The following HTRA4 variants were observed in gnomAD, a reference collection of about 807,000 sequenced individuals.
HTRA4 encodes the protein HtrA serine peptidase 4.
Under a neutral mutation model 49.1 loss-of-function variants are expected in HTRA4, and 46 were observed. That is an observed-to-expected ratio of 0.94 (90% CI 0.74 to 1.20). The LOEUF (loss-of-function observed/expected upper bound fraction) is 1.20. Ranked by LOEUF, HTRA4 falls within the 50% of genes most tolerant of loss-of-function variation. HTRA4 has a pLI of 0.00. For missense variants in HTRA4, 602 were observed against 636.9 expected (o/e 0.95, Z 0.59); for synonymous variants, 261 against 264.0 (o/e 0.99, Z 0.11).
chr8:38,981,699 T>C lies in HTRA4; in HGVS notation c.1046T>C (p.Ile349Thr). ...AATTCATTGAGGGTGACTGATGGAA[T>C]CTCCTTTGCAATTCCTTCAGATCGA... ...GVNSLRVTDGISFAIPSDRVR... is the reference protein window; with the variant it reads ...GVNSLRVTDGTSFAIPSDRVR... Residue 349 changes from isoleucine to threonine, a missense_variant, in exon 6 of 9, where the codon ATC (isoleucine) becomes ACC (threonine). By Grantham distance (89) the Ile-to-Thr change is moderately conservative. Coordinates refer to ENST00000302495, the MANE Select transcript of HTRA4 (RefSeq NM_153692.4). 1 of 1,613,708 alleles carries C rather than the reference T, an allele frequency of 6.2e-7. No individual in the cohort carries two copies. Among genetic ancestry groups the C allele is most frequent in the Non-Finnish European group, 8.5e-7 (1 of 1,179,978 alleles).
Position 38,976,668 on chromosome 8 carries a change from G to A in HTRA4, c.700G>A (p.Ala234Thr), listed in dbSNP as rs138567982. ...GATTGAGGTGGTGCTCCAGAATGGG[G>A]CCCGTTATGAAGCTGTTGTCAAGGA... ...QWIEVVLQNG[A>T]RYEAVVKDID... Residue 234 changes from alanine (A) to threonine (T), a missense_variant, in exon 3 of 9, where the codon GCC (alanine) becomes ACC (threonine). Coordinates refer to ENST00000302495, the MANE Select transcript of HTRA4 (RefSeq NM_153692.4). 9.9e-6 allele frequency: 16 copies of A among 1,614,096 alleles called. No homozygotes were observed. In the African/African-American group the frequency reaches 2.1e-4, roughly 22 times the overall value.
chr8:38,978,299 C>A (rs1835378166), intron 4 of HTRA4, 152 bp downstream of exon 4: 1 of 646,740 alleles, frequency 1.5e-6, no homozygotes, highest in Non-Finnish European at 2.6e-6. Flanking sequence ...TCAGTGGCGG[C>A]ATTAAATTCT....
intron 7 of HTRA4, 126 bp from the exon 8 acceptor site, chr8:38,982,827 G>C: frequency 1.5e-6 from 1 of 678,710 alleles, no homozygotes. Context: ...ACTGTGATTA[G>C]CTTGATGGAA....
At chr8:38,978,619 T>G (rs1162367842) in intron 4 of HTRA4, among the ~76,000 whole-genome samples, 2 of 152,130 alleles carry the variant, frequency 1.3e-5, no homozygotes, top group Non-Finnish European at 2.9e-5. Flanking sequence ...TGCCACTTTG[T>G]TAGAGTCTGT....
chr8:38,975,879 A>G (rs1835345027), intron 2 of HTRA4, among the ~76,000 whole-genome samples: 1 of 152,188 alleles, frequency 6.6e-6, no homozygotes, highest in Admixed American at 6.5e-5. Flanking sequence ...GGTCCTTGAT[A>G]CTGTGGTAAG....
intron 8 of HTRA4, 26 bp downstream of exon 8, chr8:38,983,074 T>C (rs771126408): frequency 6.8e-7 from 1 of 1,477,116 alleles, no homozygotes; most frequent in Admixed American, 1.7e-5. Flanking sequence ...GCCTTTGTCA[T>C]CTACCTTTGC....
chr8:38,977,846 G>A lies in HTRA4; in HGVS notation c.772-107G>A, dbSNP rs565085092. 4 of 1,158,286 alleles carry A rather than the reference G, an allele frequency of 3.5e-6. No individual in the cohort carries two copies. In the African/African-American group the frequency reaches 6.2e-5, roughly 18 times the overall value. 71.8% of individuals were successfully genotyped at this position (1,158,286 alleles called of 1,614,324 possible). ...CTTCTCAGGTGGTAAGGGCCAAGGT[G>A]ATAGAGACAGCGTCATATATGTGTT... On this transcript the variant is annotated intron_variant, in intron 3 of 8. Coordinates refer to ENST00000302495, the MANE Select transcript of HTRA4 (RefSeq NM_153692.4).
At position 38,988,228 on chromosome 8, in the gene HTRA4, A is replaced by G; in HGVS notation, c.*130A>G. The stretch of plus-strand genomic sequence containing the variant: ...TTCTTACAAAGAAAAATGGATGGTT[A>G]TCAACCCAAATGCCCATCAATGACA... On this transcript the variant is annotated 3_prime_UTR_variant, in exon 9 of 9. Coordinates refer to ENST00000302495, the MANE Select transcript of HTRA4 (RefSeq NM_153692.4). The G allele has an allele frequency of 1.3e-6, 1 of 751,744 alleles. No homozygotes were observed. Among genetic ancestry groups the G allele is most frequent in the Non-Finnish European group, 2.1e-6 (1 of 482,518 alleles). 46.6% of individuals were successfully genotyped at this position (751,744 alleles called of 1,614,324 possible). A position where few individuals can be genotyped will look rare whatever the true frequency, so the allele number is the denominator to read the frequency against.
At chr8:38,984,132 C>A (rs1046868759) in intron 8 of HTRA4, among the ~76,000 whole-genome samples, 2 of 151,900 alleles carry the variant, frequency 1.3e-5, no homozygotes, top group Admixed American at 1.3e-4. Flanking sequence ...TCCCGAGTAG[C>A]TGGGATTACA....
chr8:38,978,988 C>T (rs1330424804), intron 4 of HTRA4, among the ~76,000 whole-genome samples: 3 of 86,708 alleles, frequency 3.5e-5, no homozygotes, highest in African/African-American at 5.0e-5. Context: ...AGTAAGACTC[C>T]GTCTCAAAAA....
At position 38,982,517 on chromosome 8, in the gene HTRA4, G is replaced by A. The variant is rs778564119; in HGVS notation, c.1134G>A (p.Lys378=). Residue 378 remains lysine, a synonymous_variant, in exon 7 of 9, where the codon AAG becomes AAA. Coordinates refer to ENST00000302495, the MANE Select transcript of HTRA4 (RefSeq NM_153692.4). ...TTCCAGGAAAGGCGTTTTCAAATAA[G>A]AAATATCTGGGTCTGCAAATGCTGT... ...HQMKGKAFSN[K]KYLGLQMLSL... The A allele has an allele frequency of 1.2e-6, 2 of 1,614,134 alleles. No homozygotes were observed. Among genetic ancestry groups the A allele is most frequent in the African/African-American group, 2.7e-5 (2 of 75,038 alleles).
At chr8:38,977,266 CTT>C (rs34914364) in intron 3 of HTRA4, among the ~76,000 whole-genome samples, 1 of 141,372 alleles carries the variant, frequency 7.1e-6, no homozygotes, top group South Asian at 2.2e-4. Flanking sequence ...ATCAAGCAGT[CTT>C]TTTTTTTTTT....
intron 4 of HTRA4, among the ~76,000 whole-genome samples, 173 bp downstream of exon 4, chr8:38,978,320 C>A (rs548597310): frequency 6.6e-6 from 1 of 152,310 alleles, no homozygotes; most frequent in South Asian, 2.1e-4. Context: ...CATAGGAGTG[C>A]AAACCCTATT....
chr8:38,979,220 G>A lies in HTRA4; in HGVS notation c.972G>A (p.Gly324=), dbSNP rs1291832877. The stretch of plus-strand genomic sequence containing the variant: ...TTTTCAAATTCTGCTTTTAGTATGG[G>A]AATTCTGGTGGTCCTCTGGTGAACT... ...YVQIDATINY[G]NSGGPLVNLD... Residue 324 remains glycine (G), a synonymous_variant, in exon 5 of 9, where the codon GGG becomes GGA. Transcript: ENST00000302495. 1 of 1,612,970 alleles carries A rather than the reference G, an allele frequency of 6.2e-7. No homozygotes were observed. Among genetic ancestry groups the A allele is most frequent in the Non-Finnish European group, 8.5e-7 (1 of 1,178,982 alleles).
intron 5 of HTRA4, among the ~76,000 whole-genome samples, chr8:38,979,915 A>C (rs752611771): frequency 6.6e-6 from 1 of 152,212 alleles, no homozygotes; most frequent in Non-Finnish European, 1.5e-5. Context: ...ATGAAGAACT[A>C]TCTCTCATTT....
rs372328561 is a variant in HTRA4 at position 38,974,315 on chromosome 8, G to A, written c.52G>A (p.Gly18Arg). The stretch of plus-strand genomic sequence containing the variant: ...GGGGCTGGGACGATGCCTCCTGCCG[G>A]GGCTGCTGCTGCTCCTGGTGCCCGT... ...TAGLGRCLLP[G>R]LLLLLVPVLW... Residue 18 changes from glycine to arginine, a missense_variant, in exon 1 of 9, where the codon GGG becomes AGG. Transcript: ENST00000302495. 230 of 1,612,770 alleles carry A rather than the reference G, an allele frequency of 1.4e-4. No individual in the cohort carries two copies. Among genetic ancestry groups the A allele is most frequent in the Non-Finnish European group, 1.8e-4 (214 of 1,179,758 alleles).
chr8:38,981,359 G>A (rs1184142296), intron 5 of HTRA4, among the ~76,000 whole-genome samples: 5 of 151,974 alleles, frequency 3.3e-5, no homozygotes, highest in African/African-American at 1.2e-4. Flanking sequence ...GATTACAGGC[G>A]TGAGCCACTC....
At chr8:38,978,261 G>A (rs1490075379) in intron 4 of HTRA4, 114 bp downstream of exon 4, 4 of 848,544 alleles carry the variant, frequency 4.7e-6, no homozygotes, top group Non-Finnish European at 7.1e-6. Context: ...GAGTGAGAAT[G>A]ACTGCCCGAG....
chr8:38,974,664 G>C lies in HTRA4; in HGVS notation c.401G>C (p.Arg134Pro). ...ATGTGCGCGCTCCGGGCCGAAAACC[G>C]CGCCGCGCGCCGCCTGGGCAAGGTC... ...PSMCALRAEN[R>P]AARRLGKVPA... Residue 134 changes from arginine to proline, a missense_variant, in exon 1 of 9, where the codon CGC becomes CCC. By Grantham distance (103) the Arg-to-Pro change is moderately radical. Coordinates refer to ENST00000302495, the MANE Select transcript of HTRA4 (RefSeq NM_153692.4). The C allele has an allele frequency of 1.4e-6, 2 of 1,399,180 alleles. No homozygotes were observed. The highest frequency in any genetic ancestry group is 1.8e-6 in the Non-Finnish European group (2 of 1,086,358). 86.7% of individuals were successfully genotyped at this position (1,399,180 alleles called of 1,614,324 possible). A position where few individuals can be genotyped will look rare whatever the true frequency, so the allele number is the denominator to read the frequency against.
Sources: allele counts gnomAD v4.1 joint callset (sites outside exome capture counted in the v4.1 genomes callset), GRCh38; gene constraint gnomAD v4.1.1; transcripts MANE v1.5; gene names NCBI Gene and HGNC (gene_info 2026-07-23, HGNC 2026-07-21).